Variants in ZNF516 observed in about 807,000 individuals in gnomAD.
The protein encoded by ZNF516 is zinc finger protein 516.
A neutral mutation model predicts 79.7 loss-of-function variants in ZNF516; 19 were observed. The observed-to-expected ratio is 0.24, with a 90% CI of 0.17 to 0.35. The LOEUF is 0.35. Among genes scored for constraint, ZNF516 ranks in the 10% least tolerant of loss-of-function variants. The probability of loss-of-function intolerance (pLI) is 1.00; values close to 1 mark genes in which losing one functional copy is unlikely to be tolerated. For missense variants in ZNF516, 1,678 were observed against 1,679.5 expected, an observed-to-expected ratio of 1.00 and a Z score of 0.02; for synonymous variants, 877 against 739.5, an observed-to-expected ratio of 1.19 and a Z score of -3.02.
At chr18:76,432,041 C>T (rs974152096) in intron 3 of ZNF516, among the ~76,000 whole-genome samples, 1 of 152,208 alleles carries the variant, frequency 6.6e-6, no homozygotes. Flanking sequence ...GCAAAGTTCC[C>T]GTGGATGAGA....
chr18:76,435,775 G>A (rs751561551), intron 3 of ZNF516, among the ~76,000 whole-genome samples: 6 of 152,218 alleles, frequency 3.9e-5, no homozygotes, highest in African/African-American at 1.2e-4. Context: ...GCCCTCTGCA[G>A]GGCACACCGT....
At chr18:76,364,975 T>C (rs959568421) in intron 6 of ZNF516, among the ~76,000 whole-genome samples, 2 of 152,332 alleles carry the variant, frequency 1.3e-5, no homozygotes, top group Admixed American at 1.3e-4. Context: ...GTTTAATAAA[T>C]AAGAAAAGCT....
intron 3 of ZNF516, among the ~76,000 whole-genome samples, chr18:76,402,101 T>C (rs943295790): frequency 1.3e-5 from 2 of 148,256 alleles, no homozygotes; most frequent in Non-Finnish European, 3.0e-5. Context: ...TGAAAAGAAA[T>C]TGTATATGCA....
intron 3 of ZNF516, among the ~76,000 whole-genome samples, chr18:76,384,044 G>A (rs991880170): frequency 9.9e-5 from 15 of 152,184 alleles, no homozygotes; most frequent in African/African-American, 3.6e-4. Context: ...GGCGGCCCAA[G>A]GGGACCACGA....
chr18:76,486,131 C>G (rs981365795), intron 1 of ZNF516, among the ~76,000 whole-genome samples: 1 of 152,026 alleles, frequency 6.6e-6, no homozygotes, highest in Non-Finnish European at 1.5e-5. Flanking sequence ...AAAATTGTAT[C>G]GGTGGAAAAA....
intron 1 of ZNF516, among the ~76,000 whole-genome samples, chr18:76,473,835 A>G (rs1914009847): frequency 6.8e-6 from 1 of 146,934 alleles, no homozygotes; most frequent in South Asian, 2.2e-4. Flanking sequence ...TTATAATCAT[A>G]AAGGGTAAAG....
At chr18:76,400,705 A>C (rs2075207483) in intron 3 of ZNF516, among the ~76,000 whole-genome samples, 1 of 152,224 alleles carries the variant, frequency 6.6e-6, no homozygotes, top group South Asian at 2.1e-4. Flanking sequence ...ACATATATAA[A>C]CAAATGTGAA....
chr18:76,455,011 GC>G (rs1249830681), intron 2 of ZNF516, among the ~76,000 whole-genome samples: 7 of 152,106 alleles, frequency 4.6e-5, no homozygotes, highest in Middle Eastern at 3.4e-3. Context: ...GCCAACCCCC[GC>G]CCCATCCCCT....
At position 76,359,249 on chromosome 18, in the gene ZNF516, C is replaced by A. The variant is rs2074497705; in HGVS notation, c.*3249G>T. The stretch of plus-strand genomic sequence containing the variant: ...AATAAATAAGTAAATATTGGGGGAC[C>A]TCTTAAAACACTTAATACTTTTCAG... On this transcript the variant is annotated 3_prime_UTR_variant, in exon 7 of 7. Coordinates refer to ENST00000443185, the MANE Select transcript of ZNF516 (RefSeq NM_014643.4). The A allele has an allele frequency of 6.6e-6, 1 of 152,144 alleles. No individual in the cohort carries two copies. The highest frequency in any genetic ancestry group is 1.5e-5 in the Non-Finnish European group (1 of 68,020). 9.4% of individuals were successfully genotyped at this position (152,144 alleles called of 1,614,324 possible).
chr18:76,427,834 T>C (rs1006455731), intron 3 of ZNF516, among the ~76,000 whole-genome samples: 1 of 151,728 alleles, frequency 6.6e-6, no homozygotes, highest in African/African-American at 2.4e-5. Flanking sequence ...GAAATACAAA[T>C]GGCCAGTAAA....
In ZNF516 at chr18:76,467,155, G is replaced by GA. The variant is rs1913527165; in HGVS notation, c.-271-4015_-271-4014insT. On this transcript the variant is annotated intron_variant, in intron 1 of 6. Coordinates refer to ENST00000443185, the MANE Select transcript of ZNF516 (RefSeq NM_014643.4). The surrounding 1 kb of genome is among the most constrained non-coding windows in gnomAD (Gnocchi z 4.2). ...TGTCTCTCGGAACCTGCAGCTCACA[G>GA]CCCTTCTGGGTTGGCAGGAAGTCCT... Among the ~76,000 whole-genome samples, 1 of 136,216 alleles carries GA rather than the reference G, an allele frequency of 7.3e-6. No homozygotes were observed. The highest frequency in any genetic ancestry group is 2.9e-5 in the African/African-American group (1 of 34,260). The allele number at this position is 136,216 out of a possible 152,430, so 89.4% of individuals were successfully genotyped here.
At chr18:76,369,687 A>G (rs963342636) in intron 6 of ZNF516, among the ~76,000 whole-genome samples, 1 of 152,180 alleles carries the variant, frequency 6.6e-6, no homozygotes, top group African/African-American at 2.4e-5. Flanking sequence ...CAGCGCAGGG[A>G]CACAAACTGA....
At chr18:76,487,485 T>G (rs1914895777) in intron 1 of ZNF516, among the ~76,000 whole-genome samples, 1 of 152,238 alleles carries the variant, frequency 6.6e-6, no homozygotes. Context: ...GAAAAATTAA[T>G]TTTAAAATAA....
chr18:76,492,415 G>T, intron 1 of ZNF516: 1 of 969,808 alleles, frequency 1.0e-6, no homozygotes, highest in South Asian at 4.8e-5. Flanking sequence ...ACGCAGCCAG[G>T]GCGCAGCGTT....
chr18:76,488,493 G>C (rs1016232557), intron 1 of ZNF516, among the ~76,000 whole-genome samples: 1 of 127,528 alleles, frequency 7.8e-6, no homozygotes. Flanking sequence ...ATAGACAACT[G>C]AACTTTTCCC....
At chr18:76,456,650 C>T (rs1412491703) in intron 2 of ZNF516, among the ~76,000 whole-genome samples, 3 of 143,958 alleles carry the variant, frequency 2.1e-5, no homozygotes, top group Admixed American at 7.5e-5. Context: ...TCAACCCCGA[C>T]GGTCAGAATG....
chr18:76,464,365 C>G (rs1461111609), intron 1 of ZNF516, among the ~76,000 whole-genome samples: 1 of 152,126 alleles, frequency 6.6e-6, no homozygotes, highest in Non-Finnish European at 1.5e-5. Context: ...GAGTGAGACT[C>G]AGTCTCAAAA....
At chr18:76,433,482 G>A (rs1339460205) in intron 3 of ZNF516, among the ~76,000 whole-genome samples, 1 of 152,224 alleles carries the variant, frequency 6.6e-6, no homozygotes, top group Admixed American at 6.5e-5. Flanking sequence ...GCAACAGGGA[G>A]GAATGGGGCC....
At chr18:76,438,030 T>C (rs766683345) in intron 3 of ZNF516, among the ~76,000 whole-genome samples, 7 of 152,166 alleles carry the variant, frequency 4.6e-5, no homozygotes, top group South Asian at 2.1e-4. Flanking sequence ...CGACAAGAAA[T>C]GGTGAAAAGC....
Sources: allele counts gnomAD v4.1 joint callset (sites outside exome capture counted in the v4.1 genomes callset), GRCh38; gene constraint gnomAD v4.1.1; non-coding constraint Gnocchi (gnomAD v3.1); transcripts MANE v1.5; gene names NCBI Gene and HGNC (gene_info 2026-07-23, HGNC 2026-07-21).